Variants in MSRA observed in about 807,000 individuals in gnomAD.
The protein encoded by MSRA is methionine sulfoxide reductase A.
Under a neutral mutation model 31.3 loss-of-function variants are expected in MSRA, and 54 were observed. The observed-to-expected ratio is 1.73, with a 90% CI of 1.39 to 2.17. The LOEUF (loss-of-function observed/expected upper bound fraction) is 2.17, where lower values mean the gene tolerates loss of function less well. Ranked by LOEUF, MSRA falls within the 30% of genes most tolerant of loss-of-function variation. The probability of loss-of-function intolerance (pLI) is 0.00; values close to 1 mark genes in which losing one functional copy is unlikely to be tolerated. For missense variants in MSRA, 507 were observed against 300.9 expected, an observed-to-expected ratio of 1.69 and a Z score of -5.07; for synonymous variants, 169 against 116.5, an observed-to-expected ratio of 1.45 and a Z score of -2.90.
intron 5 of MSRA, among the ~76,000 whole-genome samples, chr8:10,375,396 A>G (rs1805703410): frequency 6.6e-6 from 1 of 152,252 alleles, no homozygotes; most frequent in South Asian, 2.1e-4. Flanking sequence ...TATCGGAGGC[A>G]TGACCACAAT....
chr8:10,239,839 G>A (rs1192042890), intron 2 of MSRA, among the ~76,000 whole-genome samples: 1 of 152,190 alleles, frequency 6.6e-6, no homozygotes, highest in Non-Finnish European at 1.5e-5. Flanking sequence ...ATTCATTTGG[G>A]GAACATGGTG....
chr8:10,106,990 G>T (rs1028915797), intron 1 of MSRA, among the ~76,000 whole-genome samples: 1 of 151,952 alleles, frequency 6.6e-6, no homozygotes, highest in Non-Finnish European at 1.5e-5. Context: ...CCATGCAGCT[G>T]TCAGCCCATT....
Position 10,153,468 on chromosome 8 carries a change from G to C in MSRA, c.143-54365G>C, listed in dbSNP as rs189855194. Among the ~76,000 whole-genome samples, 30 of 152,230 alleles carry C rather than the reference G, an allele frequency of 2.0e-4. No individual in the cohort carries two copies. The East Asian group carries it at 4.8e-3, about 25-fold the overall frequency. ...TCACATTTGGTTGTCTTTATCCTCGGAGGAGAATGCTCACACCAGCGTCTT... is the reference window on the plus strand; with the variant it reads ...TCACATTTGGTTGTCTTTATCCTCGCAGGAGAATGCTCACACCAGCGTCTT... On this transcript the variant is annotated intron_variant, in intron 1 of 5. Coordinates refer to ENST00000317173, the MANE Select transcript of MSRA (RefSeq NM_012331.5).
In MSRA at chr8:10,059,886, C is replaced by T. The variant is rs187349219; in HGVS notation, c.142+5228C>T. 6.7e-4 allele frequency among the ~76,000 whole-genome samples: 102 copies of T among 152,300 alleles called. 1 individual carries two copies. The Middle Eastern group carries it at 0.014, about 20-fold the overall frequency. On this transcript the variant is annotated intron_variant, in intron 1 of 5. Coordinates refer to ENST00000317173, the MANE Select transcript of MSRA (RefSeq NM_012331.5). ...TTTAAGCATATAAAAAGATGCTCAA[C>T]TTCACTTATAATGAGAATGCAAATA... is the stretch of plus-strand genomic sequence containing the variant.
intron 3 of MSRA, among the ~76,000 whole-genome samples, chr8:10,294,897 G>A (rs946323151): frequency 1.3e-5 from 2 of 152,124 alleles, no homozygotes; most frequent in African/African-American, 2.4e-5. Flanking sequence ...TTGTGCACAG[G>A]TCTTGCTTGT....
At position 10,319,989 on chromosome 8, in the gene MSRA, G is replaced by A. The variant is rs1443337129; in HGVS notation, c.543G>A (p.Lys181=). The A allele has an allele frequency of 1.3e-6, 2 of 1,595,154 alleles. No individual in the cohort carries two copies. The highest frequency in any genetic ancestry group is 1.7e-5 in the Admixed American group (1 of 57,758). The change falls in exon 5 of 6, where the codon AAG becomes AAA. Residue 181 remains lysine (K), a splice_region_variant and synonymous_variant. Transcript: ENST00000317173. ...AALSSKENYQ[K]VLSEHGFGPI... ...TGAGCTCCAAAGAGAACTACCAAAA[G>A]GTAGGGATTGCTGGGCTCCTAGCCC...
chr8:10,159,194 G>T (rs1187831971), intron 1 of MSRA, among the ~76,000 whole-genome samples: 1 of 152,180 alleles, frequency 6.6e-6, no homozygotes, highest in Non-Finnish European at 1.5e-5. Context: ...ATTTGTGATT[G>T]GTCAGATGTG....
chr8:10,410,385 C>T (rs1295511271), intron 5 of MSRA, among the ~76,000 whole-genome samples: 7 of 152,168 alleles, frequency 4.6e-5, no homozygotes, highest in Admixed American at 3.3e-4. Context: ...AGGCCCTTGA[C>T]GCTCCTACTT....
chr8:10,413,696 G>C (rs1445087843), intron 5 of MSRA, among the ~76,000 whole-genome samples: 1 of 144,326 alleles, frequency 6.9e-6, no homozygotes, highest in Non-Finnish European at 1.5e-5. Context: ...GAAATTCAAA[G>C]ATACAATAAC....
intron 1 of MSRA, among the ~76,000 whole-genome samples, chr8:10,117,934 G>A (rs949211006): frequency 3.3e-5 from 5 of 152,178 alleles, no homozygotes; most frequent in African/African-American, 4.8e-5. Flanking sequence ...ATCTTGATCA[G>A]GAGATGCTGA....
chr8:10,116,880 C>T (rs576510866), intron 1 of MSRA, among the ~76,000 whole-genome samples: 7 of 152,204 alleles, frequency 4.6e-5, no homozygotes, highest in South Asian at 4.2e-4. Flanking sequence ...GCAGGAGAAT[C>T]GCTTGAACCT....
At chr8:10,116,582 C>T (rs564696580) in intron 1 of MSRA, among the ~76,000 whole-genome samples, 6 of 152,182 alleles carry the variant, frequency 3.9e-5, no homozygotes, top group Non-Finnish European at 8.8e-5. Flanking sequence ...ACTTGGATAT[C>T]GTGTGATAAC....
chr8:10,071,361 T>C (rs778104123), intron 1 of MSRA, among the ~76,000 whole-genome samples: 2 of 152,188 alleles, frequency 1.3e-5, no homozygotes, highest in African/African-American at 2.4e-5. Flanking sequence ...TGCTTTACTC[T>C]TCAGCGGAGT....
intron 1 of MSRA, among the ~76,000 whole-genome samples, chr8:10,201,016 A>G (rs1218336015): frequency 6.6e-6 from 1 of 152,072 alleles, no homozygotes; most frequent in Non-Finnish European, 1.5e-5. Context: ...AACCTTACTT[A>G]CTTCCTGACT....
intron 1 of MSRA, among the ~76,000 whole-genome samples, chr8:10,172,283 G>T (rs752717868): frequency 2.0e-5 from 3 of 152,184 alleles, no homozygotes; most frequent in Non-Finnish European, 4.4e-5. Context: ...GATCAGCAAA[G>T]GAATGCCATT....
chr8:10,415,214 C>T (rs1254866483), intron 5 of MSRA, among the ~76,000 whole-genome samples: 3 of 152,208 alleles, frequency 2.0e-5, no homozygotes, highest in South Asian at 2.1e-4. Context: ...TGGTGGGTCC[C>T]CACCATTCAC....
chr8:10,077,224 A>T (rs376622539), intron 1 of MSRA, among the ~76,000 whole-genome samples: 2 of 152,284 alleles, frequency 1.3e-5, no homozygotes, highest in South Asian at 2.1e-4. Context: ...AATGATGGGC[A>T]AAGAGAGGGA....
intron 1 of MSRA, among the ~76,000 whole-genome samples, chr8:10,156,090 G>C (rs1462990414): frequency 6.6e-6 from 1 of 152,134 alleles, no homozygotes. Context: ...GAGTGGCTTC[G>C]ATGCTGCCAA....
At chr8:10,062,403 C>T (rs1797249443) in intron 1 of MSRA, among the ~76,000 whole-genome samples, 1 of 152,190 alleles carries the variant, frequency 6.6e-6, no homozygotes, top group South Asian at 2.1e-4. Flanking sequence ...ACATCATAAA[C>T]TCCAAGTTTG....
Sources: gnomAD v4.1 joint callset for allele counts (sites outside exome capture counted in the v4.1 genomes callset) on GRCh38, gnomAD v4.1.1 for gene constraint, MANE v1.5 for transcripts, NCBI Gene and HGNC (gene_info 2026-07-23, HGNC 2026-07-21) for gene names.